Variants in CIMIP7 observed in about 807,000 individuals in gnomAD.
CIMIP7 encodes the protein ciliary microtubule inner protein 7, also known as uncharacterized protein C3orf84.
the CIMIP7 span, among the ~76,000 whole-genome samples, chr3:49,186,742 ACACG>A: frequency 7.7e-3 from 1,166 of 152,078 alleles, 15 homozygotes; most frequent in South Asian, 0.05. Flanking sequence ...TAATACACAC[ACACG>A]CACGCACGCA....
At chr3:49,178,087 T>C in the CIMIP7 span, 2 of 1,533,212 alleles carry the variant, frequency 1.3e-6, no homozygotes, top group Non-Finnish European at 8.7e-7. Flanking sequence ...CCCACATTCC[T>C]GGCACCAAGC....
At chr3:49,191,053 G>T in the CIMIP7 span, among the ~76,000 whole-genome samples, 7 of 152,268 alleles carry the variant, frequency 4.6e-5, no homozygotes, top group African/African-American at 1.7e-4. Context: ...CTGTGCTGAT[G>T]TCATTACGTG....
chr3:49,191,623 C>T, the CIMIP7 span: 1 of 1,094,952 alleles, frequency 9.1e-7, no homozygotes, highest in Non-Finnish European at 1.4e-6. Context: ...GTGGGCGGCT[C>T]AGGGTCCTAT....
the CIMIP7 span, among the ~76,000 whole-genome samples, chr3:49,181,077 C>T: frequency 6.6e-6 from 1 of 152,130 alleles, no homozygotes; most frequent in East Asian, 1.9e-4. Context: ...CACAGTGGCT[C>T]ATGCCTATAA....
At chr3:49,180,198 C>T in the CIMIP7 span, among the ~76,000 whole-genome samples, 3 of 152,120 alleles carry the variant, frequency 2.0e-5, no homozygotes, top group African/African-American at 4.8e-5. Flanking sequence ...ATTGCTTAAA[C>T]CTGGGAGGCA....
chr3:49,182,159 C>T, the CIMIP7 span, among the ~76,000 whole-genome samples: 22 of 152,188 alleles, frequency 1.4e-4, no homozygotes, highest in Non-Finnish European at 3.1e-4. Flanking sequence ...AGATTTATTG[C>T]AAGGAGTGAA....
the CIMIP7 span, among the ~76,000 whole-genome samples, chr3:49,183,994 A>G: frequency 1.3e-5 from 2 of 152,170 alleles, no homozygotes; most frequent in African/African-American, 4.8e-5. Context: ...ATATTGTATT[A>G]TTCTATTTAT....
chr3:49,189,118 C>T, the CIMIP7 span, among the ~76,000 whole-genome samples: 12 of 152,054 alleles, frequency 7.9e-5, no homozygotes, highest in Non-Finnish European at 1.5e-4. Flanking sequence ...TAGAGGCATG[C>T]GCCACCAAGC....
chr3:49,189,772 GCTA>G, the CIMIP7 span: 1 of 612,100 alleles, frequency 1.6e-6, no homozygotes, highest in Non-Finnish European at 3.1e-6. Context: ...TTTGCCTGTA[GCTA>G]CCCACCCCGG....
chr3:49,182,864 A>T, the CIMIP7 span, among the ~76,000 whole-genome samples: 1 of 152,196 alleles, frequency 6.6e-6, no homozygotes, highest in African/African-American at 2.4e-5. Flanking sequence ...CTGCTGGCCC[A>T]GGTGCTAAGC....
At chr3:49,190,124 G>A in the CIMIP7 span, 2 of 1,604,138 alleles carry the variant, frequency 1.2e-6, no homozygotes, top group African/African-American at 1.3e-5. Flanking sequence ...AGTGCCCATA[G>A]AAGCCATTGT....
chr3:49,189,782 C>A, the CIMIP7 span: 16 of 638,060 alleles, frequency 2.5e-5, 2 homozygotes, highest in South Asian at 2.3e-4. Flanking sequence ...GCTACCCACC[C>A]CGGCTAGGCC....
At chr3:49,179,556 C>G in the CIMIP7 span, among the ~76,000 whole-genome samples, 1 of 152,216 alleles carries the variant, frequency 6.6e-6, no homozygotes, top group Non-Finnish European at 1.5e-5. Flanking sequence ...GGTGCTCCCA[C>G]TTAGGGCTTT....
the CIMIP7 span, among the ~76,000 whole-genome samples, chr3:49,179,649 AT>A: frequency 6.6e-6 from 1 of 152,040 alleles, no homozygotes; most frequent in African/African-American, 2.4e-5. Flanking sequence ...CAATAGTTCC[AT>A]CACCCTAACC....
chr3:49,189,984 C>G, the CIMIP7 span: 6 of 1,464,944 alleles, frequency 4.1e-6, no homozygotes, highest in Non-Finnish European at 5.7e-6. Context: ...GAGGCAAGAA[C>G]TGGTCTAGTC....
At chr3:49,191,649 A>G in the CIMIP7 span, 1 of 1,415,322 alleles carries the variant, frequency 7.1e-7, no homozygotes, top group Non-Finnish European at 9.9e-7. Flanking sequence ...GTTGGATGCC[A>G]AATGAAAACC....
At chr3:49,184,184 A>T in the CIMIP7 span, among the ~76,000 whole-genome samples, 7 of 152,260 alleles carry the variant, frequency 4.6e-5, no homozygotes, top group African/African-American at 1.7e-4. Context: ...TTTTTTTAAG[A>T]GATGAGGTCT....
At chr3:49,178,457 C>T in the CIMIP7 span, 1 of 1,610,796 alleles carries the variant, frequency 6.2e-7, no homozygotes, top group South Asian at 1.1e-5. Context: ...GACTGCCTGC[C>T]ATTCTTCCTG....
At chr3:49,178,089 G>A in the CIMIP7 span, 1 of 1,522,670 alleles carries the variant, frequency 6.6e-7, no homozygotes, top group South Asian at 1.2e-5. Context: ...CACATTCCTG[G>A]CACCAAGCAC....
Sources: allele counts gnomAD v4.1 joint callset (sites outside exome capture counted in the v4.1 genomes callset), GRCh38; gene constraint gnomAD v4.1.1; transcripts MANE v1.5; gene names NCBI Gene and HGNC (gene_info 2026-07-23, HGNC 2026-07-21).